The following REEP3 variants were observed in gnomAD, a reference collection of about 807,000 sequenced individuals.
REEP3 encodes the protein receptor expression-enhancing protein 3.
Under a neutral mutation model 41.3 loss-of-function variants are expected in REEP3, and 20 were observed. The observed-to-expected ratio is 0.48, with a 90% CI of 0.34 to 0.70. The LOEUF is 0.70. REEP3 is among the 30% of genes least tolerant of loss of function. REEP3 has a pLI of 0.01. For synonymous variants in REEP3, 104 were observed against 101.8 expected (o/e 1.02, Z -0.13); for missense variants, 271 against 308.8 (o/e 0.88, Z 0.92).
At chr10:63,585,205 G>A (rs948396907) in intron 2 of REEP3, among the ~76,000 whole-genome samples, 4 of 152,150 alleles carry the variant, frequency 2.6e-5, no homozygotes, top group Admixed American at 6.5e-5. Flanking sequence ...TCCAGGCACA[G>A]GGTGCTAGGT....
intron 1 of REEP3, among the ~76,000 whole-genome samples, chr10:63,540,447 T>G (rs1247199852): frequency 6.6e-6 from 1 of 152,196 alleles, no homozygotes; most frequent in Non-Finnish European, 1.5e-5. Flanking sequence ...TTTTAATGTA[T>G]CCACAGTATT....
chr10:63,521,842 G>GCTGCTCGGCTGC (rs1436978590), intron 1 of REEP3: 60 of 65,958 alleles, frequency 9.1e-4, no homozygotes, highest in Admixed American at 4.3e-3. Context: ...GGCTGCGTGC[G>GCTGCTCGGCTGC]GTGCGGCGCG....
At chr10:63,616,682 A>G (rs1956314580) in intron 6 of REEP3, among the ~76,000 whole-genome samples, 1 of 152,178 alleles carries the variant, frequency 6.6e-6, no homozygotes. Context: ...CTTATGCTAC[A>G]TTTGTGGCCT....
At chr10:63,543,651 A>G (rs1955551549) in intron 1 of REEP3, among the ~76,000 whole-genome samples, 1 of 152,126 alleles carries the variant, frequency 6.6e-6, no homozygotes, top group Non-Finnish European at 1.5e-5. Context: ...CACAGTAAAG[A>G]AAGGGATTTT....
intron 2 of REEP3, among the ~76,000 whole-genome samples, chr10:63,573,682 A>G (rs1364806642): frequency 1.3e-5 from 2 of 152,232 alleles, no homozygotes; most frequent in Non-Finnish European, 2.9e-5. Flanking sequence ...ATGAACAAAT[A>G]TACCACATGC....
Position 63,624,960 on chromosome 10 carries a change from C to T in REEP3, c.*4091C>T, listed in dbSNP as rs1442921626. The T allele has an allele frequency of 6.6e-6, 1 of 152,032 alleles. No homozygotes were observed. The highest frequency in any genetic ancestry group is 2.4e-5 in the African/African-American group (1 of 41,398). 9.4% of individuals were successfully genotyped at this position (152,032 alleles called of 1,614,324 possible). A position where few individuals can be genotyped will look rare whatever the true frequency, so the allele number is the denominator to read the frequency against. ...TCACATTTAAGCTTTAGAGAGAAAT[C>T]CTATGTTTTAAGAAGTTTCTTTGTG... On this transcript the variant is annotated 3_prime_UTR_variant, in exon 8 of 8. Coordinates refer to ENST00000373758, the MANE Select transcript of REEP3 (RefSeq NM_001001330.3).
chr10:63,565,515 A>C (rs1452747549), intron 1 of REEP3, among the ~76,000 whole-genome samples: 1 of 152,246 alleles, frequency 6.6e-6, no homozygotes, highest in East Asian at 1.9e-4. Context: ...ATTTTAATGC[A>C]TATTATAGTT....
intron 6 of REEP3, among the ~76,000 whole-genome samples, chr10:63,615,956 C>T (rs756068748): frequency 2.0e-5 from 3 of 152,214 alleles, no homozygotes; most frequent in Non-Finnish European, 4.4e-5. Context: ...AACCTCCCCA[C>T]TTACGCTCCC....
intron 5 of REEP3, among the ~76,000 whole-genome samples, chr10:63,603,381 G>A (rs1339632678): frequency 6.6e-6 from 1 of 150,408 alleles, no homozygotes; most frequent in Non-Finnish European, 1.5e-5. Context: ...TTATCTCACA[G>A]GAATACTTTT....
At chr10:63,615,585 G>A (rs996902046) in intron 6 of REEP3, among the ~76,000 whole-genome samples, 4 of 148,044 alleles carry the variant, frequency 2.7e-5, no homozygotes, top group African/African-American at 7.5e-5. Flanking sequence ...TCACTCTGTC[G>A]CCCAGGCTGG....
chr10:63,530,493 T>C (rs1955410234), intron 1 of REEP3, among the ~76,000 whole-genome samples: 1 of 116,524 alleles, frequency 8.6e-6, no homozygotes. Context: ...TTTAAAAATA[T>C]ATGTAGGAAA....
At chr10:63,546,680 A>C (rs1373543378) in intron 1 of REEP3, among the ~76,000 whole-genome samples, 1 of 152,202 alleles carries the variant, frequency 6.6e-6, no homozygotes, top group Non-Finnish European at 1.5e-5. Context: ...GATCAATAAA[A>C]AACACAGAGT....
intron 1 of REEP3, among the ~76,000 whole-genome samples, chr10:63,525,545 A>G (rs376178328): frequency 3.9e-5 from 6 of 152,200 alleles, no homozygotes; most frequent in African/African-American, 1.4e-4. Flanking sequence ...CAGCCTCCCA[A>G]GTGGCTGGGA....
At chr10:63,575,102 CCA>C (rs911552115) in intron 2 of REEP3, among the ~76,000 whole-genome samples, 1 of 152,072 alleles carries the variant, frequency 6.6e-6, no homozygotes, top group Non-Finnish European at 1.5e-5. Flanking sequence ...GATCTGCCTG[CCA>C]CGGCCTCCCA....
chr10:63,528,936 T>G (rs1228065066), intron 1 of REEP3, among the ~76,000 whole-genome samples: 1 of 152,230 alleles, frequency 6.6e-6, no homozygotes, highest in African/African-American at 2.4e-5. Flanking sequence ...TTCTTTAACC[T>G]ATCATCTGTC....
At chr10:63,599,813 C>T (rs916734022) in intron 5 of REEP3, 5 of 310,444 alleles carry the variant, frequency 1.6e-5, no homozygotes, top group African/African-American at 9.0e-5. Flanking sequence ...GCCAAGTTAT[C>T]AAATGAATGT....
chr10:63,579,470 C>T (rs1025837720), intron 2 of REEP3, among the ~76,000 whole-genome samples: 18 of 152,256 alleles, frequency 1.2e-4, no homozygotes, highest in African/African-American at 4.3e-4. Flanking sequence ...GAGTTTCATC[C>T]AAAATTTTAG....
chr10:63,603,262 G>C (rs112132404), intron 5 of REEP3, among the ~76,000 whole-genome samples: 1 of 129,684 alleles, frequency 7.7e-6, no homozygotes, highest in Non-Finnish European at 1.6e-5. Flanking sequence ...GCAGTGAGCC[G>C]AGATCGCGCC....
chr10:63,554,354 T>C (rs1261149988), intron 1 of REEP3, among the ~76,000 whole-genome samples: 1 of 152,174 alleles, frequency 6.6e-6, no homozygotes, highest in Non-Finnish European at 1.5e-5. Context: ...TAGTATACAA[T>C]CAGAAAATGG....
Sources: gnomAD v4.1 joint callset for allele counts (sites outside exome capture counted in the v4.1 genomes callset) on GRCh38, gnomAD v4.1.1 for gene constraint, MANE v1.5 for transcripts, NCBI Gene and HGNC (gene_info 2026-07-23, HGNC 2026-07-21) for gene names.